Variants in NCAM1 observed in about 807,000 individuals in gnomAD.
The protein encoded by NCAM1 is neural cell adhesion molecule 1, also known as antigen recognized by monoclonal antibody 5.1H11.
In NCAM1, 14 loss-of-function variants were observed where a neutral mutation model predicts 109.8. That is an observed-to-expected ratio of 0.13 (90% CI 0.08 to 0.20). The LOEUF is 0.20. Among genes scored for constraint, NCAM1 ranks in the 10% least tolerant of loss-of-function variants. NCAM1 has a pLI of 1.00. For synonymous variants in NCAM1, 418 were observed against 442.9 expected, an observed-to-expected ratio of 0.94 and a Z score of 0.70; for missense variants, 774 against 1,109.9, an observed-to-expected ratio of 0.70 and a Z score of 4.30.
intron 1 of NCAM1, among the ~76,000 whole-genome samples, chr11:113,197,461 C>A (rs1838142766): frequency 6.6e-6 from 1 of 152,160 alleles, no homozygotes. Context: ...AATTTAATGC[C>A]TTTTTCAAAA....
rs186265741 is a variant in NCAM1 at position 113,166,686 on chromosome 11, T to A, written c.53-35693T>A. Among the ~76,000 whole-genome samples the A allele has an allele frequency of 1.1e-3, 169 of 152,152 alleles. 1 individual carries two copies. Among genetic ancestry groups the A allele is most frequent in the South Asian group, 8.9e-3 (43 of 4,812 alleles). ...GATCATGGGGAAGCCTTTCAGATCC[T>A]CAGTTCACGACAGGTAACTTGTCAT... On this transcript the variant is annotated intron_variant, in intron 1 of 19. Coordinates refer to ENST00000316851, the MANE Select transcript of NCAM1 (RefSeq NM_181351.5).
chr11:113,009,332 T>G (rs1555073943), intron 1 of NCAM1, among the ~76,000 whole-genome samples: 5 of 115,038 alleles, frequency 4.3e-5, no homozygotes, highest in Non-Finnish European at 5.7e-5. Context: ...TTTTTTTTTT[T>G]TTTTTTTTTA....
At chr11:113,232,572 C>A (rs556542725) in intron 11 of NCAM1, 146 bp from the exon 12 acceptor site, 1 of 818,088 alleles carries the variant, frequency 1.2e-6, no homozygotes, top group Non-Finnish European at 1.9e-6. Flanking sequence ...CTCTGCTATT[C>A]TTTTCTCTTG....
chr11:113,162,455 C>T (rs1378864036), intron 1 of NCAM1, among the ~76,000 whole-genome samples: 1 of 152,124 alleles, frequency 6.6e-6, no homozygotes, highest in Admixed American at 6.5e-5. Context: ...CTGCTGTTAT[C>T]TTAGAGATTG....
chr11:113,126,641 T>C (rs1046872490), intron 1 of NCAM1, among the ~76,000 whole-genome samples: 4 of 152,258 alleles, frequency 2.6e-5, no homozygotes, highest in Non-Finnish European at 5.9e-5. Flanking sequence ...ATCGAGTTTC[T>C]CTTGTCTCCC....
At chr11:112,964,132 TTTTTTTTG>T (rs1950654848) in intron 1 of NCAM1, among the ~76,000 whole-genome samples, 3 of 110,072 alleles carry the variant, frequency 2.7e-5, no homozygotes, top group Non-Finnish European at 3.7e-5. Flanking sequence ...ATCTGAGGTT[TTTTTTTTG>T]TTTTTTTTTT....
intron 1 of NCAM1, among the ~76,000 whole-genome samples, chr11:113,050,217 G>A (rs529987806): frequency 1.3e-5 from 2 of 152,260 alleles, no homozygotes; most frequent in Non-Finnish European, 2.9e-5. Context: ...TATGATTTAT[G>A]CTAATAGAAT....
intron 1 of NCAM1, among the ~76,000 whole-genome samples, chr11:112,995,050 G>A (rs1356265360): frequency 1.3e-5 from 2 of 152,118 alleles, no homozygotes; most frequent in East Asian, 3.8e-4. Context: ...TAGGGACCTT[G>A]TCTTACTTAT....
chr11:113,155,706 T>C lies in NCAM1; in HGVS notation c.53-46673T>C, dbSNP rs569482802. 9.2e-5 allele frequency among the ~76,000 whole-genome samples: 14 copies of C among 152,242 alleles called. No individual in the cohort carries two copies. In the East Asian group the frequency reaches 9.7e-4, roughly 11 times the overall value. On this transcript the variant is annotated intron_variant, in intron 1 of 19. Coordinates refer to ENST00000316851, the MANE Select transcript of NCAM1 (RefSeq NM_181351.5). ...AGTGGTCTTTAGTTGCCCAGTTATA[T>C]GTCCTTTTCTTCATTCTCAAAATTT...
rs140462827 is a variant in NCAM1, at chr11:112,972,057, G to C, written c.52+10393G>C. ...GATCCCAAATGGTAGACGACGGAGA[G>C]AGAGAAAGCTCTTTAAAGTTATAAG... is the stretch of plus-strand genomic sequence containing the variant. On this transcript the variant is annotated intron_variant, in intron 1 of 19. Transcript: ENST00000316851. 5.1e-3 allele frequency among the ~76,000 whole-genome samples: 780 copies of C among 152,290 alleles called. 2 individuals are homozygous for C. Among genetic ancestry groups the C allele is most frequent in the African/African-American group, 0.012 (504 of 41,576 alleles).
intron 1 of NCAM1, among the ~76,000 whole-genome samples, chr11:113,159,028 A>C (rs551514738): frequency 6.6e-6 from 1 of 152,228 alleles, no homozygotes; most frequent in African/African-American, 2.4e-5. Context: ...CGTAAAGCTC[A>C]GCATCTCCTT....
intron 1 of NCAM1, among the ~76,000 whole-genome samples, chr11:112,992,855 T>A (rs1951501198): frequency 6.6e-6 from 1 of 152,216 alleles, no homozygotes; most frequent in Non-Finnish European, 1.5e-5. Flanking sequence ...TTCATATTAA[T>A]GTATAAGCAA....
At chr11:113,005,545 C>G (rs1951871297) in intron 1 of NCAM1, among the ~76,000 whole-genome samples, 1 of 152,172 alleles carries the variant, frequency 6.6e-6, no homozygotes, top group Non-Finnish European at 1.5e-5. Flanking sequence ...CAGACATTCA[C>G]TTGATCTCCC....
chr11:113,272,992 C>T (rs1555125790), intron 19 of NCAM1: 1 of 456,824 alleles, frequency 2.2e-6, no homozygotes, highest in African/African-American at 2.0e-5. Flanking sequence ...ACCACCGTCA[C>T]CACTAACTCT....
intron 1 of NCAM1, among the ~76,000 whole-genome samples, chr11:113,020,770 TA>T (rs1194002629): frequency 2.0e-5 from 3 of 152,128 alleles, no homozygotes; most frequent in African/African-American, 7.2e-5. Flanking sequence ...ATTATTATTA[TA>T]ATTGGAAGGG....
intron 1 of NCAM1, among the ~76,000 whole-genome samples, chr11:113,098,277 A>G (rs782776257): frequency 1.3e-5 from 2 of 152,198 alleles, no homozygotes; most frequent in Non-Finnish European, 2.9e-5. Flanking sequence ...TACGCCCCTT[A>G]TCAGGATACC....
intron 1 of NCAM1, among the ~76,000 whole-genome samples, chr11:113,160,468 T>C (rs1474715366): frequency 6.6e-6 from 1 of 151,892 alleles, no homozygotes; most frequent in African/African-American, 2.4e-5. Flanking sequence ...GCAGTGGGAG[T>C]GAACTTGGAA....
chr11:113,093,526 C>T (rs745886543), intron 1 of NCAM1, among the ~76,000 whole-genome samples: 2 of 152,118 alleles, frequency 1.3e-5, no homozygotes, highest in South Asian at 4.2e-4. Context: ...GTTCCACAAC[C>T]CCTTTAAGGT....
At chr11:113,258,951 C>T (rs1320015676) in intron 16 of NCAM1, among the ~76,000 whole-genome samples, 1 of 151,966 alleles carries the variant, frequency 6.6e-6, no homozygotes, top group East Asian at 1.9e-4. Flanking sequence ...AAGAGCCTGA[C>T]AAAACCCCAC....
Sources: allele counts gnomAD v4.1 joint callset (sites outside exome capture counted in the v4.1 genomes callset), GRCh38; gene constraint gnomAD v4.1.1; transcripts MANE v1.5; gene names NCBI Gene and HGNC (gene_info 2026-07-23, HGNC 2026-07-21).